Variants in GABRA5 observed in about 807,000 individuals in gnomAD.
The protein encoded by GABRA5 is gamma-aminobutyric acid type A receptor subunit alpha5.
A neutral mutation model predicts 47.3 loss-of-function variants in GABRA5; 18 were observed. The ratio of observed to expected loss-of-function variants is 0.38; its 90% CI spans 0.26 to 0.56. The LOEUF is 0.56. Among genes scored for constraint, GABRA5 ranks in the 20% least tolerant of loss-of-function variants. The probability of loss-of-function intolerance (pLI) is 0.71; values close to 1 mark genes in which losing one functional copy is unlikely to be tolerated. For synonymous variants in GABRA5, 237 were observed against 229.3 expected, an observed-to-expected ratio of 1.03 and a Z score of -0.30; for missense variants, 365 against 599.3, an observed-to-expected ratio of 0.61 and a Z score of 4.08.
intron 7 of GABRA5, among the ~76,000 whole-genome samples, chr15:26,926,074 T>C (rs1229128696): frequency 2.0e-5 from 3 of 152,194 alleles, no homozygotes; most frequent in Non-Finnish European, 4.4e-5. Flanking sequence ...CAGGCTCTTC[T>C]TTAGGTTCTT....
intron 7 of GABRA5, among the ~76,000 whole-genome samples, chr15:26,934,292 A>G (rs943127645): frequency 5.3e-5 from 8 of 151,912 alleles, no homozygotes; most frequent in African/African-American, 1.9e-4. Flanking sequence ...AAAGGAAAGA[A>G]AGAAAGAATG....
chr15:26,868,435 A>G (rs2140238638), intron 1 of GABRA5, among the ~76,000 whole-genome samples: 2 of 152,260 alleles, frequency 1.3e-5, no homozygotes, highest in East Asian at 3.9e-4. Context: ...TACTGTTCGG[A>G]TGCCTGTGAG....
intron 6 of GABRA5, among the ~76,000 whole-genome samples, chr15:26,910,764 T>G (rs994724400): frequency 1.3e-5 from 2 of 152,148 alleles, no homozygotes; most frequent in Admixed American, 6.5e-5. Flanking sequence ...TTCCAGTAAT[T>G]CAGTGAAGTC....
intron 7 of GABRA5, among the ~76,000 whole-genome samples, chr15:26,923,397 C>A (rs1364687656): frequency 6.6e-6 from 1 of 152,090 alleles, no homozygotes; most frequent in Non-Finnish European, 1.5e-5. Context: ...GTTCTTTTGG[C>A]GCTTGAAAAA....
intron 6 of GABRA5, among the ~76,000 whole-genome samples, chr15:26,885,639 T>G (rs568683239): frequency 6.6e-6 from 1 of 152,344 alleles, no homozygotes; most frequent in African/African-American, 2.4e-5. Flanking sequence ...TCAGTGTCCT[T>G]GGACATTACC....
At chr15:26,936,178 C>A (rs1894238535) in intron 7 of GABRA5, among the ~76,000 whole-genome samples, 1 of 152,206 alleles carries the variant, frequency 6.6e-6, no homozygotes, top group African/African-American at 2.4e-5. Context: ...TTTCCTGAGG[C>A]CTCCCCAGCC....
chr15:26,907,767 C>G (rs1893480458), intron 6 of GABRA5, among the ~76,000 whole-genome samples: 1 of 152,156 alleles, frequency 6.6e-6, no homozygotes, highest in African/African-American at 2.4e-5. Flanking sequence ...GTTCAGTTTT[C>G]ATATAGTTGA....
In GABRA5 at chr15:26,939,629, G is replaced by A. The variant is rs72712078; in HGVS notation, c.725-296G>A. 1.7e-3 allele frequency: 990 copies of A among 599,902 alleles called. 5 individuals are homozygous for A. The highest frequency in any genetic ancestry group is 5.3e-3 in the Middle Eastern group (12 of 2,258). 37.2% of individuals were successfully genotyped at this position (599,902 alleles called of 1,614,324 possible). On this transcript the variant is annotated intron_variant, in intron 8 of 10. Coordinates refer to ENST00000335625, the MANE Select transcript of GABRA5 (RefSeq NM_000810.4). ...AATTGCAGAAGCAGGCGAGGGAGTG[G>A]GGGGAGAGAGGCACAGATTGTGACT...
chr15:26,912,950 A>G (rs1893632889), intron 6 of GABRA5, among the ~76,000 whole-genome samples: 1 of 152,192 alleles, frequency 6.6e-6, no homozygotes, highest in African/African-American at 2.4e-5. Context: ...TGGGAAGTCG[A>G]GGCTGGCAGA....
At chr15:26,928,027 CACA>C (rs1270636894) in intron 7 of GABRA5, among the ~76,000 whole-genome samples, 2 of 152,124 alleles carry the variant, frequency 1.3e-5, no homozygotes, top group Non-Finnish European at 2.9e-5. Flanking sequence ...AATACTTAAA[CACA>C]ACAAGACTAT....
At chr15:26,878,730 G>A (rs1197772078) in intron 3 of GABRA5, among the ~76,000 whole-genome samples, 2 of 152,208 alleles carry the variant, frequency 1.3e-5, no homozygotes, top group African/African-American at 4.8e-5. Context: ...CAAGAAAAGT[G>A]TAATTATGTG....
At chr15:26,869,904 T>C (rs8039341) in intron 3 of GABRA5, among the ~76,000 whole-genome samples, 58,432 of 152,094 alleles carry the variant, frequency 0.38, 12,307 homozygotes, top group African/African-American at 0.56. Context: ...GGCACTATCA[T>C]TTCCAGTAAC....
chr15:26,924,784 T>C (rs1893921833), intron 7 of GABRA5, among the ~76,000 whole-genome samples: 1 of 152,166 alleles, frequency 6.6e-6, no homozygotes, highest in African/African-American at 2.4e-5. Context: ...GGTTGCACCC[T>C]TTCTGGTCCT....
chr15:26,891,331 T>C (rs1278112963), intron 6 of GABRA5, among the ~76,000 whole-genome samples: 1 of 152,200 alleles, frequency 6.6e-6, no homozygotes, highest in African/African-American at 2.4e-5. Context: ...AACATACATT[T>C]GGTAGTATCT....
intron 6 of GABRA5, among the ~76,000 whole-genome samples, chr15:26,888,711 A>G (rs1022026903): frequency 2.0e-5 from 3 of 152,318 alleles, no homozygotes; most frequent in Admixed American, 2.0e-4. Context: ...GCATATAGAG[A>G]TAATAACCAA....
intron 6 of GABRA5, among the ~76,000 whole-genome samples, chr15:26,899,530 C>G (rs1893276400): frequency 6.6e-6 from 1 of 152,152 alleles, no homozygotes; most frequent in Non-Finnish European, 1.5e-5. Flanking sequence ...ATGGGATATT[C>G]AGGTTTCCAA....
intron 7 of GABRA5, among the ~76,000 whole-genome samples, chr15:26,923,604 A>G (rs958974671): frequency 8.5e-5 from 13 of 152,144 alleles, no homozygotes; most frequent in African/African-American, 3.1e-4. Context: ...GTCTACACCA[A>G]TAGCCTTTCT....
chr15:26,875,527 G>C (rs188235359), intron 3 of GABRA5, among the ~76,000 whole-genome samples: 1 of 152,340 alleles, frequency 6.6e-6, no homozygotes, highest in East Asian at 1.9e-4. Context: ...GCGTGTGCTG[G>C]AAAGAGATGC....
intron 6 of GABRA5, among the ~76,000 whole-genome samples, chr15:26,909,671 T>C (rs1566876646): frequency 6.6e-6 from 1 of 152,212 alleles, no homozygotes; most frequent in South Asian, 2.1e-4. Flanking sequence ...CACATGTTTT[T>C]CTCTGAATCT....
Sources: allele counts gnomAD v4.1 joint callset (sites outside exome capture counted in the v4.1 genomes callset), GRCh38; gene constraint gnomAD v4.1.1; transcripts MANE v1.5; gene names NCBI Gene and HGNC (gene_info 2026-07-23, HGNC 2026-07-21).